LRRTM4: variants seen among roughly 807,000 people sequenced by gnomAD.
The protein encoded by LRRTM4 is leucine-rich repeat transmembrane neuronal protein 4.
In LRRTM4, 25 loss-of-function variants were observed where a neutral mutation model predicts 47.6. The observed-to-expected ratio is 0.53, with a 90% CI of 0.38 to 0.73. The LOEUF (loss-of-function observed/expected upper bound fraction) is 0.73. Ranked by LOEUF, LRRTM4 falls within the 30% of genes least tolerant of loss-of-function variation. The pLI is 0.00. For synonymous variants in LRRTM4, 311 were observed against 269.5 expected, an observed-to-expected ratio of 1.15 and a Z score of -1.51; for missense variants, 638 against 713.4, an observed-to-expected ratio of 0.89 and a Z score of 1.20.
chr2:76,918,703 C>T (rs1458353780), intron 3 of LRRTM4, among the ~76,000 whole-genome samples: 1 of 152,138 alleles, frequency 6.6e-6, no homozygotes, highest in African/African-American at 2.4e-5. Flanking sequence ...CAGCCTACCT[C>T]ACATGACAGA....
chr2:76,942,135 C>T (rs1675166189), intron 3 of LRRTM4, among the ~76,000 whole-genome samples: 1 of 152,070 alleles, frequency 6.6e-6, no homozygotes, highest in Non-Finnish European at 1.5e-5. Context: ...CTGTTCATAT[C>T]CTTTGCCCAC....
At chr2:77,305,295 T>C (rs1277080927) in intron 3 of LRRTM4, among the ~76,000 whole-genome samples, 1 of 152,084 alleles carries the variant, frequency 6.6e-6, no homozygotes, top group Non-Finnish European at 1.5e-5. Context: ...TACGCTGTAA[T>C]TTTTAATTTA....
intron 3 of LRRTM4, among the ~76,000 whole-genome samples, chr2:76,801,988 G>GTATA (rs1448310424): frequency 2.6e-5 from 4 of 152,110 alleles, no homozygotes; most frequent in Non-Finnish European, 4.4e-5. Flanking sequence ...AATAAAGGCA[G>GTATA]TATATGGCAA....
At chr2:76,888,053 ATG>A (rs755257913) in intron 3 of LRRTM4, among the ~76,000 whole-genome samples, 2 of 149,486 alleles carry the variant, frequency 1.3e-5, no homozygotes, top group East Asian at 2.0e-4. Flanking sequence ...ATATACATAT[ATG>A]TGTGTTTGTA....
At chr2:76,853,530 T>G (rs1481417065) in intron 3 of LRRTM4, among the ~76,000 whole-genome samples, 1 of 152,038 alleles carries the variant, frequency 6.6e-6, no homozygotes, top group Non-Finnish European at 1.5e-5. Flanking sequence ...GAACACTGCT[T>G]AGTTGTGGAA....
intron 3 of LRRTM4, among the ~76,000 whole-genome samples, chr2:76,919,480 T>C (rs1674366552): frequency 6.6e-6 from 1 of 152,160 alleles, no homozygotes; most frequent in African/African-American, 2.4e-5. Flanking sequence ...GTGTGAGGTT[T>C]GAGCAACCCA....
intron 3 of LRRTM4, among the ~76,000 whole-genome samples, chr2:76,884,974 T>A (rs573940732): frequency 1.3e-5 from 2 of 152,204 alleles, no homozygotes; most frequent in Non-Finnish European, 2.9e-5. Context: ...TGCAATATGA[T>A]GGTAAGCAGA....
intron 3 of LRRTM4, among the ~76,000 whole-genome samples, chr2:77,253,321 G>A (rs1332410031): frequency 6.6e-6 from 1 of 152,102 alleles, no homozygotes; most frequent in African/African-American, 2.4e-5. Context: ...CTAGTAGAGA[G>A]TCAGGAATTT....
Position 77,165,492 on chromosome 2 carries a change from G to C in LRRTM4, c.1551+352826C>G, listed in dbSNP as rs1272132771. Among the ~76,000 whole-genome samples the C allele has an allele frequency of 2.0e-5, 3 of 152,166 alleles. No homozygotes were observed. The East Asian group carries it at 5.8e-4, about 29-fold the overall frequency. ...CAGATTCATCCTGATACAAAAGCCT[G>C]GCAGAGACACAATAAAAAGAGAATT... On this transcript the variant is annotated intron_variant, in intron 3 of 3. Coordinates refer to ENST00000409884, the MANE Select transcript of LRRTM4 (RefSeq NM_001134745.3).
intron 3 of LRRTM4, among the ~76,000 whole-genome samples, chr2:76,762,147 C>G (rs1049555154): frequency 2.6e-5 from 4 of 152,224 alleles, no homozygotes; most frequent in Non-Finnish European, 5.9e-5. Flanking sequence ...TATGTACCCT[C>G]ATGGTCACAT....
chr2:77,474,967 T>C (rs1335909820), intron 3 of LRRTM4, among the ~76,000 whole-genome samples: 1 of 152,058 alleles, frequency 6.6e-6, no homozygotes, highest in African/African-American at 2.4e-5. Context: ...CTAGAAGATA[T>C]CCACATGTCC....
chr2:77,307,355 T>C (rs956486339), intron 3 of LRRTM4, among the ~76,000 whole-genome samples: 1 of 151,434 alleles, frequency 6.6e-6, no homozygotes, highest in Admixed American at 6.6e-5. Context: ...CCATCCAATA[T>C]TTCATATTTC....
intron 3 of LRRTM4, among the ~76,000 whole-genome samples, chr2:77,173,939 C>G (rs947046029): frequency 3.3e-5 from 5 of 152,158 alleles, no homozygotes; most frequent in African/African-American, 1.2e-4. Context: ...AATCTTCTTT[C>G]TTTTTAAGCT....
chr2:76,784,444 A>G (rs62172099), intron 3 of LRRTM4, among the ~76,000 whole-genome samples: 29,582 of 152,044 alleles, frequency 0.19, 3,194 homozygotes, highest in African/African-American at 0.28. Context: ...ACACAAGTAC[A>G]TGTCTACATA....
intron 3 of LRRTM4, among the ~76,000 whole-genome samples, chr2:77,036,250 G>C (rs1678833463): frequency 6.6e-6 from 1 of 151,618 alleles, no homozygotes; most frequent in Admixed American, 6.6e-5. Context: ...TAAAATAATT[G>C]CAAAATAAAT....
chr2:77,096,447 G>A (rs1487498336), intron 3 of LRRTM4, among the ~76,000 whole-genome samples: 1 of 151,216 alleles, frequency 6.6e-6, no homozygotes, highest in Non-Finnish European at 1.5e-5. Flanking sequence ...TGATATGTAA[G>A]AAAAGAATAG....
At chr2:76,866,883 G>A (rs1393013164) in intron 3 of LRRTM4, among the ~76,000 whole-genome samples, 1 of 152,072 alleles carries the variant, frequency 6.6e-6, no homozygotes. Context: ...GCTGGGTCAA[G>A]CAGCCATAAA....
chr2:76,834,546 C>A (rs542200401), intron 3 of LRRTM4, among the ~76,000 whole-genome samples: 3 of 151,838 alleles, frequency 2.0e-5, no homozygotes, highest in African/African-American at 7.2e-5. Flanking sequence ...CATTTGACAA[C>A]GTATTTATAT....
chr2:77,201,256 T>C (rs1202702981), intron 3 of LRRTM4, among the ~76,000 whole-genome samples: 1 of 152,154 alleles, frequency 6.6e-6, no homozygotes, highest in East Asian at 1.9e-4. Flanking sequence ...AAGAGGAGAC[T>C]GCAAAGTATA....
Sources: gnomAD v4.1 joint callset for allele counts (sites outside exome capture counted in the v4.1 genomes callset) on GRCh38, gnomAD v4.1.1 for gene constraint, MANE v1.5 for transcripts, NCBI Gene and HGNC (gene_info 2026-07-23, HGNC 2026-07-21) for gene names.